Variants in ERCC6L2 observed in about 807,000 individuals in gnomAD.
The protein encoded by ERCC6L2 is DNA excision repair protein ERCC-6-like 2.
In ERCC6L2, 77 loss-of-function variants were observed where a neutral mutation model predicts 132.0. The ratio of observed to expected loss-of-function variants is 0.58; its 90% CI spans 0.49 to 0.71. The LOEUF (loss-of-function observed/expected upper bound fraction) is 0.71. Ranked by LOEUF, ERCC6L2 falls within the 30% of genes least tolerant of loss-of-function variation. The pLI, the probability that ERCC6L2 is intolerant of heterozygous loss-of-function variation, is 0.00. For missense variants in ERCC6L2, 1,542 were observed against 1,837.6 expected (o/e 0.84, Z 2.94); for synonymous variants, 583 against 632.4 (o/e 0.92, Z 1.17).
chr9:95,948,650 T>G (rs1205894238), intron 12 of ERCC6L2, among the ~76,000 whole-genome samples: 1 of 152,004 alleles, frequency 6.6e-6, no homozygotes, highest in Non-Finnish European at 1.5e-5. Flanking sequence ...GAGAAGACTT[T>G]TAGCCTTCAC....
At chr9:95,944,258 A>G (rs1207939032) in intron 12 of ERCC6L2, among the ~76,000 whole-genome samples, 1 of 152,244 alleles carries the variant, frequency 6.6e-6, no homozygotes, top group Non-Finnish European at 1.5e-5. Context: ...ATACTACATG[A>G]AATAAGCCAG....
intron 12 of ERCC6L2, among the ~76,000 whole-genome samples, chr9:95,944,975 T>A (rs62562984): frequency 0.3 from 45,470 of 152,054 alleles, 7,083 homozygotes; most frequent in East Asian, 0.39. Flanking sequence ...AAAATTGCTA[T>A]TGAAGTTTCG....
chr9:95,947,040 C>G (rs1831097765), intron 12 of ERCC6L2, among the ~76,000 whole-genome samples: 1 of 152,116 alleles, frequency 6.6e-6, no homozygotes, highest in Admixed American at 6.5e-5. Context: ...CTGCAGTGGC[C>G]TTTAAGTGGT....
chr9:95,963,003 A>G (rs1021136602), intron 13 of ERCC6L2, among the ~76,000 whole-genome samples: 1 of 152,082 alleles, frequency 6.6e-6, no homozygotes. Context: ...TTATTTTGAT[A>G]CCTTTTGTTG....
chr9:95,930,461 T>C (rs1188031545), intron 11 of ERCC6L2, among the ~76,000 whole-genome samples: 1 of 152,210 alleles, frequency 6.6e-6, no homozygotes, highest in East Asian at 1.9e-4. Flanking sequence ...TTTAATATGT[T>C]GTGACAGAAA....
chr9:96,031,254 G>A (rs1834455432), intron 19 of ERCC6L2, among the ~76,000 whole-genome samples: 1 of 152,194 alleles, frequency 6.6e-6, no homozygotes, highest in Non-Finnish European at 1.5e-5. Flanking sequence ...GTGAAGTGGT[G>A]TGAATACAAT....
intron 18 of ERCC6L2, among the ~76,000 whole-genome samples, chr9:96,006,496 C>T (rs954734115): frequency 2.0e-5 from 3 of 152,148 alleles, no homozygotes; most frequent in Admixed American, 6.5e-5. Flanking sequence ...AAGCAGTGCG[C>T]GCGCCCTGGC....
At chr9:95,997,167 T>C (rs950460082) in intron 17 of ERCC6L2, among the ~76,000 whole-genome samples, 2 of 152,030 alleles carry the variant, frequency 1.3e-5, no homozygotes, top group African/African-American at 4.8e-5. Flanking sequence ...GTTAACCTTC[T>C]GGAAAGGAGT....
chr9:95,956,210 A>G (rs940047214), intron 13 of ERCC6L2, among the ~76,000 whole-genome samples, 197 bp downstream of exon 13: 76 of 152,206 alleles, frequency 5.0e-4, no homozygotes, highest in Non-Finnish European at 9.4e-4. Flanking sequence ...AAAGTTTTCT[A>G]GAGCAGTACC....
chr9:95,876,141 C>T (rs1272780681), intron 1 of ERCC6L2, 57 bp downstream of exon 1: 3 of 1,483,712 alleles, frequency 2.0e-6, no homozygotes, highest in East Asian at 5.0e-5. Context: ...TCGCGTTGGA[C>T]CAGTTCTTGC....
chr9:95,922,385 G>A lies in ERCC6L2; in HGVS notation c.1380G>A (p.Ala460=), dbSNP rs201406110. The change falls in exon 8 of 19, where the codon GCG becomes GCA. Residue 460 remains alanine, a synonymous_variant. Coordinates refer to ENST00000653738, the MANE Select transcript of ERCC6L2 (RefSeq NM_020207.7). ...TTCAGAAGGTAGCTAACCATGTCGCGCTACTGCAAGCTGCTAGTACTTCCA... is the reference window on the plus strand; with the variant it reads ...TTCAGAAGGTAGCTAACCATGTCGCACTACTGCAAGCTGCTAGTACTTCCA... ...TVLQKVANHV[A]LLQAASTSKQ... is the part of the protein sequence containing the mutation. The A allele has an allele frequency of 5.0e-5, 80 of 1,612,170 alleles. No homozygotes were observed. In the East Asian group the frequency reaches 1.4e-3, roughly 29 times the overall value.
intron 10 of ERCC6L2, 73 bp downstream of exon 10, chr9:95,928,223 T>C (rs1285535418): frequency 5.2e-6 from 5 of 964,752 alleles, no homozygotes; most frequent in Non-Finnish European, 8.1e-6. Context: ...AGCATATGCC[T>C]ACATGACACC....
chr9:95,900,268 G>C (rs973513030), intron 3 of ERCC6L2, among the ~76,000 whole-genome samples: 23 of 151,990 alleles, frequency 1.5e-4, no homozygotes, highest in African/African-American at 5.1e-4. Flanking sequence ...TGTGTCTGTG[G>C]TCTCAGCTAC....
intron 13 of ERCC6L2, among the ~76,000 whole-genome samples, chr9:95,958,287 G>A (rs1831718230): frequency 6.6e-6 from 1 of 151,856 alleles, no homozygotes; most frequent in Non-Finnish European, 1.5e-5. Context: ...TGGACATTTG[G>A]GTTGGTTCCA....
At chr9:95,889,539 G>T (rs762326346) in intron 2 of ERCC6L2, among the ~76,000 whole-genome samples, 3 of 152,010 alleles carry the variant, frequency 2.0e-5, no homozygotes, top group African/African-American at 7.2e-5. Flanking sequence ...AAAATGCACA[G>T]ATCTCAGGTA....
chr9:95,952,362 C>T (rs1318643386), intron 12 of ERCC6L2, among the ~76,000 whole-genome samples: 1 of 151,810 alleles, frequency 6.6e-6, no homozygotes, highest in Non-Finnish European at 1.5e-5. Flanking sequence ...AGTAAAATGC[C>T]AGCAAACTGA....
chr9:96,040,992 C>T (rs1180474774), intron 20 of ERCC6L2, among the ~76,000 whole-genome samples: 3 of 152,208 alleles, frequency 2.0e-5, no homozygotes, highest in Non-Finnish European at 4.4e-5. Flanking sequence ...AGAGTCTTGT[C>T]CATCATCTGG....
At chr9:95,881,553 A>C (rs1175434734) in intron 2 of ERCC6L2, among the ~76,000 whole-genome samples, 1 of 152,226 alleles carries the variant, frequency 6.6e-6, no homozygotes, top group African/African-American at 2.4e-5. Context: ...TACCTTTGGT[A>C]ATACTGGTAC....
intron 17 of ERCC6L2, among the ~76,000 whole-genome samples, chr9:96,000,442 T>A (rs920029689): frequency 2.0e-5 from 3 of 152,106 alleles, no homozygotes; most frequent in Admixed American, 2.0e-4. Context: ...AAGATAAACA[T>A]CATATTTTTA....
Sources: allele counts gnomAD v4.1 joint callset (sites outside exome capture counted in the v4.1 genomes callset), GRCh38; gene constraint gnomAD v4.1.1; transcripts MANE v1.5; gene names NCBI Gene and HGNC (gene_info 2026-07-23, HGNC 2026-07-21).